The following NHSL3 variants were observed in gnomAD, a reference collection of about 807,000 sequenced individuals.
NHSL3 encodes the protein NHS-like protein 3.
chr1:32,772,998 G>GC, the NHSL3 span: 1 of 1,050,018 alleles, frequency 9.5e-7, no homozygotes, highest in Non-Finnish European at 1.5e-6. Context: ...TAGAGAGGGC[G>GC]CCTGCAGCCT....
At chr1:32,743,993 C>G in the NHSL3 span, among the ~76,000 whole-genome samples, 1 of 152,176 alleles carries the variant, frequency 6.6e-6, no homozygotes. Context: ...CTGCCTGGCC[C>G]AACTTCTTTT....
chr1:32,757,239 A>C, the NHSL3 span, among the ~76,000 whole-genome samples: 1 of 152,038 alleles, frequency 6.6e-6, no homozygotes, highest in African/African-American at 2.4e-5. Context: ...GCAGGGAGAG[A>C]GGTCTGGAGT....
chr1:32,746,698 G>A, the NHSL3 span, among the ~76,000 whole-genome samples: 6 of 152,162 alleles, frequency 3.9e-5, no homozygotes, highest in Admixed American at 3.9e-4. Context: ...GACCAGACAG[G>A]CAAGGTCCCC....
chr1:32,746,006 G>T, the NHSL3 span, among the ~76,000 whole-genome samples: 1 of 151,898 alleles, frequency 6.6e-6, no homozygotes, highest in Admixed American at 6.6e-5. Flanking sequence ...TGAGGCGGGC[G>T]GATCACAAGG....
the NHSL3 span, chr1:32,771,238 C>G: frequency 7.4e-6 from 12 of 1,612,914 alleles, no homozygotes; most frequent in Non-Finnish European, 9.3e-6. Context: ...TGCCCCTGCT[C>G]TAGCCGCCCC....
At chr1:32,771,872 C>A in the NHSL3 span, 9 of 1,595,340 alleles carry the variant, frequency 5.6e-6, no homozygotes, top group South Asian at 9.0e-5. Context: ...CCAGGAGGGG[C>A]TCCCACCCCA....
the NHSL3 span, chr1:32,770,949 T>TGCCCCCCCC: frequency 6.4e-7 from 1 of 1,563,242 alleles, no homozygotes; most frequent in Non-Finnish European, 8.8e-7. This position sits in a 1 kb window ranked among gnomAD's most constrained non-coding sequence, Gnocchi z 8.3. Context: ...AAAGTGGTAC[T>TGCCCCCCCC]CCCACCCTCC....
chr1:32,768,177 A>G, the NHSL3 span: 4 of 1,139,272 alleles, frequency 3.5e-6, no homozygotes, highest in Non-Finnish European at 5.3e-6. Flanking sequence ...CCTGGCAAGG[A>G]TGTCTTGGAA....
At chr1:32,756,525 C>T in the NHSL3 span, among the ~76,000 whole-genome samples, 1 of 118,150 alleles carries the variant, frequency 8.5e-6, no homozygotes, top group Non-Finnish European at 1.6e-5. Flanking sequence ...GGCGTGGTGG[C>T]ACATGTGCCT....
the NHSL3 span, chr1:32,767,896 C>T: frequency 1.9e-6 from 3 of 1,614,076 alleles, no homozygotes; most frequent in Non-Finnish European, 2.5e-6. Context: ...GTGGGCGACC[C>T]CCCCACCTGG....
the NHSL3 span, among the ~76,000 whole-genome samples, chr1:32,750,548 C>T: frequency 3.3e-5 from 5 of 152,260 alleles, no homozygotes; most frequent in Admixed American, 3.3e-4. Context: ...GCTCTTGTTT[C>T]CCAGGCTGGA....
At chr1:32,769,842 C>A in the NHSL3 span, 1 of 1,611,498 alleles carries the variant, frequency 6.2e-7, no homozygotes, top group South Asian at 1.1e-5. Context: ...TTGGTCATCC[C>A]CTCTCTGCTG....
the NHSL3 span, among the ~76,000 whole-genome samples, chr1:32,743,466 G>C: frequency 2.6e-5 from 4 of 152,196 alleles, no homozygotes; most frequent in Non-Finnish European, 4.4e-5. Context: ...GGGAGGACTG[G>C]ATTTGGGTGA....
chr1:32,754,440 C>T, the NHSL3 span, among the ~76,000 whole-genome samples: 2 of 151,008 alleles, frequency 1.3e-5, no homozygotes, highest in Non-Finnish European at 3.0e-5. Context: ...GACACAGGAT[C>T]ACATACACCA....
At chr1:32,749,696 G>A in the NHSL3 span, among the ~76,000 whole-genome samples, 5 of 152,122 alleles carry the variant, frequency 3.3e-5, no homozygotes, top group African/African-American at 1.2e-4. Context: ...AAGGAAGCAA[G>A]GCCAAGGGAG....
At chr1:32,772,131 G>T in the NHSL3 span, 2 of 1,613,286 alleles carry the variant, frequency 1.2e-6, no homozygotes. Context: ...TGCAGCTGGA[G>T]CGGCCCGTGT....
chr1:32,759,256 A>T, the NHSL3 span, among the ~76,000 whole-genome samples: 1 of 152,138 alleles, frequency 6.6e-6, no homozygotes, highest in Non-Finnish European at 1.5e-5. Flanking sequence ...AGGCCCAGAG[A>T]GGCCAATTCC....
At chr1:32,743,586 C>G in the NHSL3 span, among the ~76,000 whole-genome samples, 55 of 152,336 alleles carry the variant, frequency 3.6e-4, no homozygotes, top group African/African-American at 1.3e-3. Flanking sequence ...GAGGGCATTG[C>G]AGCAGGATGT....
At chr1:32,752,972 G>GT in the NHSL3 span, among the ~76,000 whole-genome samples, 58 of 85,448 alleles carry the variant, frequency 6.8e-4, 3 homozygotes, top group South Asian at 3.8e-4. Flanking sequence ...TATATATTTT[G>GT]GTTTTTTTTT....
Sources: allele counts gnomAD v4.1 joint callset (sites outside exome capture counted in the v4.1 genomes callset), GRCh38; gene constraint gnomAD v4.1.1; non-coding constraint Gnocchi (gnomAD v3.1); transcripts MANE v1.5; gene names NCBI Gene and HGNC (gene_info 2026-07-23, HGNC 2026-07-21).